The following SOX5 variants were observed in gnomAD, a reference collection of about 807,000 sequenced individuals.
SOX5 encodes SRY-box transcription factor 5, also known as transcription factor SOX-5.
In SOX5, 9 loss-of-function variants were observed where a neutral mutation model predicts 92.0. That is an observed-to-expected ratio of 0.10 (90% CI 0.06 to 0.17). SOX5 has a LOEUF of 0.17. Ranked by LOEUF, SOX5 falls within the 10% of genes least tolerant of loss-of-function variation. The pLI, the probability that SOX5 is intolerant of heterozygous loss-of-function variation, is 1.00. For missense variants in SOX5, 642 were observed against 944.5 expected, an observed-to-expected ratio of 0.68 and a Z score of 4.20; for synonymous variants, 344 against 336.3, an observed-to-expected ratio of 1.02 and a Z score of -0.25.
intron 1 of SOX5, among the ~76,000 whole-genome samples, chr12:24,487,685 C>A (rs970681297): frequency 3.3e-5 from 5 of 152,188 alleles, no homozygotes; most frequent in Non-Finnish European, 5.9e-5. Context: ...TGACATTCAA[C>A]TTTTGGAGAT....
chr12:23,668,363 A>G (rs2084191122), intron 6 of SOX5, among the ~76,000 whole-genome samples: 1 of 152,208 alleles, frequency 6.6e-6, no homozygotes, highest in African/African-American at 2.4e-5. Context: ...TTCAGTGTTC[A>G]TAGCAACTTT....
intron 1 of SOX5, among the ~76,000 whole-genome samples, chr12:24,559,051 A>G (rs1209063514): frequency 1.3e-5 from 2 of 152,358 alleles, no homozygotes; most frequent in East Asian, 3.9e-4. Context: ...CAATTTACAA[A>G]TGGGTGTTTT....
intron 1 of SOX5, among the ~76,000 whole-genome samples, chr12:23,931,117 A>C (rs1011805588): frequency 1.3e-5 from 2 of 151,826 alleles, no homozygotes; most frequent in African/African-American, 4.8e-5. Flanking sequence ...TAAGTATTTC[A>C]TGAAAGAATG....
chr12:24,205,717 A>G (rs1016874514), intron 4 of SOX5, among the ~76,000 whole-genome samples: 2 of 152,318 alleles, frequency 1.3e-5, no homozygotes, highest in Middle Eastern at 3.4e-3. Context: ...GGTGGCTTCA[A>G]TGGTTTCCAA....
chr12:23,756,235 T>TAA (rs11400643), intron 3 of SOX5, among the ~76,000 whole-genome samples: 14 of 145,934 alleles, frequency 9.6e-5, no homozygotes, highest in African/African-American at 1.8e-4. Flanking sequence ...ACTGCGAACA[T>TAA]AAAAAAAAAC....
At chr12:23,795,607 G>A (rs890186723) in intron 3 of SOX5, among the ~76,000 whole-genome samples, 1 of 152,064 alleles carries the variant, frequency 6.6e-6, no homozygotes, top group African/African-American at 2.4e-5. Context: ...GTGCTCATGT[G>A]TATGTGCCTA....
Position 24,331,779 on chromosome 12 carries a change from C to A in SOX5, c.-174+36784G>T, listed in dbSNP as rs1298325018. Among the ~76,000 whole-genome samples the A allele has an allele frequency of 3.2e-5, 4 of 126,164 alleles. No individual in the cohort carries two copies. In the South Asian group the frequency reaches 8.1e-4, roughly 25 times the overall value. The allele number at this position is 126,164 out of a possible 152,430, so 82.8% of individuals were successfully genotyped here. ...ACGAGAATCCCTTGAGCCCAGGGGG[C>A]AGAGGTTGCACTGAGTTGAGATCAT... On this transcript the variant is annotated intron_variant, in intron 2 of 4. Coordinates refer to the SOX5 transcript ENST00000446891.
At chr12:23,798,138 A>G (rs762961554) in intron 3 of SOX5, among the ~76,000 whole-genome samples, 1 of 151,808 alleles carries the variant, frequency 6.6e-6, no homozygotes, top group African/African-American at 2.4e-5. Flanking sequence ...ATGGCAAACT[A>G]TATATTTTAC....
chr12:24,507,818 A>G (rs1056566057), intron 1 of SOX5, among the ~76,000 whole-genome samples: 9 of 151,888 alleles, frequency 5.9e-5, no homozygotes, highest in Non-Finnish European at 2.9e-5. Context: ...TAAATGAAAC[A>G]GTATGTCAAA....
At chr12:24,511,364 G>A (rs558821516) in intron 1 of SOX5, among the ~76,000 whole-genome samples, 5 of 152,314 alleles carry the variant, frequency 3.3e-5, no homozygotes, top group African/African-American at 1.2e-4. Flanking sequence ...AATACCCAAT[G>A]TTCCATGACT....
intron 3 of SOX5, among the ~76,000 whole-genome samples, chr12:24,225,682 G>T (rs1345945553): frequency 6.6e-6 from 1 of 152,092 alleles, no homozygotes. Flanking sequence ...AGACAATATG[G>T]TTCATTAGGA....
chr12:23,973,401 C>T (rs908974002), intron 4 of SOX5, among the ~76,000 whole-genome samples: 2 of 152,032 alleles, frequency 1.3e-5, no homozygotes, highest in Non-Finnish European at 2.9e-5. Flanking sequence ...CCTCATGATC[C>T]ACCCACCTCG....
intron 3 of SOX5, among the ~76,000 whole-genome samples, chr12:23,803,883 G>T (rs1324460862): frequency 6.6e-6 from 1 of 152,170 alleles, no homozygotes; most frequent in South Asian, 2.1e-4. Context: ...CTTTCATAAG[G>T]ATGACACAGC....
chr12:24,366,179 C>T lies in SOX5; in HGVS notation c.-174+2384G>A, dbSNP rs111448998. On this transcript the variant is annotated intron_variant, in intron 2 of 4. Transcript: ENST00000446891. The stretch of plus-strand genomic sequence containing the variant: ...GACATGCAAATTTTCATGTATATGT[C>T]CCCATTGTGATTTTTCTGGCAACAA... Among the ~76,000 whole-genome samples, 1,247 of 152,236 alleles carry T rather than the reference C, an allele frequency of 8.2e-3. 4 individuals are homozygous for T. The highest frequency in any genetic ancestry group is 0.013 in the Non-Finnish European group (908 of 67,964).
chr12:23,784,499 T>G (rs1251428473), intron 3 of SOX5, among the ~76,000 whole-genome samples: 2 of 152,046 alleles, frequency 1.3e-5, no homozygotes, highest in Non-Finnish European at 2.9e-5. Context: ...GCTAATTTTT[T>G]GTATTTTTAG....
intron 6 of SOX5, among the ~76,000 whole-genome samples, chr12:23,704,749 GAC>G (rs2091169554): frequency 8.1e-6 from 1 of 124,168 alleles, no homozygotes; most frequent in African/African-American, 2.9e-5. Context: ...CATACATGCA[GAC>G]AGATACCTAC....
chr12:23,768,880 A>G (rs2141477240), intron 3 of SOX5, among the ~76,000 whole-genome samples: 1 of 152,318 alleles, frequency 6.6e-6, no homozygotes, highest in African/African-American at 2.4e-5. Context: ...TTTCATTTCT[A>G]AAGAAAGAAA....
intron 11 of SOX5, among the ~76,000 whole-genome samples, chr12:23,548,108 G>T (rs953943685): frequency 6.6e-6 from 1 of 151,958 alleles, no homozygotes; most frequent in East Asian, 1.9e-4. Flanking sequence ...GAATGTACGG[G>T]GCTTGGATCA....
At chr12:24,553,053 A>C (rs1396846079) in intron 1 of SOX5, among the ~76,000 whole-genome samples, 2 of 152,162 alleles carry the variant, frequency 1.3e-5, no homozygotes, top group East Asian at 3.8e-4. Context: ...AAAAGTATAA[A>C]AACAAGAAAG....
Sources: gnomAD v4.1 joint callset for allele counts (sites outside exome capture counted in the v4.1 genomes callset) on GRCh38, gnomAD v4.1.1 for gene constraint, MANE v1.5 for transcripts, NCBI Gene and HGNC (gene_info 2026-07-23, HGNC 2026-07-21) for gene names.